FOXN3: variants seen among roughly 807,000 people sequenced by gnomAD.
FOXN3 encodes the protein forkhead box protein N3.
FOXN3 carries 7 observed loss-of-function variants against 38.4 expected under a neutral mutation model. That is an observed-to-expected ratio of 0.18 (90% CI 0.10 to 0.34). FOXN3 has a LOEUF of 0.34. FOXN3 is among the 10% of genes least tolerant of loss of function. The pLI is 1.00. For missense variants in FOXN3, 456 were observed against 613.4 expected, an observed-to-expected ratio of 0.74 and a Z score of 2.71; for synonymous variants, 230 against 242.2, an observed-to-expected ratio of 0.95 and a Z score of 0.47.
In FOXN3 at chr14:89,333,988, ATATATATATATATATATATATG is replaced by A. The variant is rs1354695661; in HGVS notation, c.680+16662_680+16683del. Among the ~76,000 whole-genome samples the A allele has an allele frequency of 1.5e-3, 126 of 83,730 alleles. 4 individuals carry two copies. Among genetic ancestry groups the A allele is most frequent in the South Asian group, 5.8e-3 (11 of 1,882 alleles). 54.9% of individuals were successfully genotyped at this position (83,730 alleles called of 152,430 possible). On this transcript the variant is annotated intron_variant, in intron 3 of 5. Coordinates refer to ENST00000557258, the MANE Select transcript of FOXN3 (RefSeq NM_005197.4). ...TGTGTATATATATATATATATATAT[ATATATATATATATATATATATG>A]TATATAAATGTGGTATACACACACA...
chr14:89,306,928 T>G lies in FOXN3; in HGVS notation c.681-25914A>C, dbSNP rs1887396340. On this transcript the variant is annotated intron_variant, in intron 3 of 5. Transcript: ENST00000557258. ...TTTTATTGGGACACAACACACTCAC[T>G]TGTTTATGTGTACGTCTATTTTGTG... Among the ~76,000 whole-genome samples the G allele has an allele frequency of 6.3e-5, 9 of 143,150 alleles. No homozygotes were observed. The South Asian group carries it at 1.9e-3, about 30-fold the overall frequency. 93.9% of individuals were successfully genotyped at this position (143,150 alleles called of 152,430 possible).
At chr14:89,194,819 G>A (rs190567607) in intron 4 of FOXN3, among the ~76,000 whole-genome samples, 114 of 151,290 alleles carry the variant, frequency 7.5e-4, no homozygotes, top group Non-Finnish European at 1.2e-3. Context: ...CAAAAATTAT[G>A]TATGTGAAAA....
chr14:89,602,255 C>G (rs1896166440), intron 1 of FOXN3, among the ~76,000 whole-genome samples: 1 of 151,364 alleles, frequency 6.6e-6, no homozygotes, highest in Middle Eastern at 3.4e-3. Context: ...CACCACTGCA[C>G]TCCAGCCTGG....
At chr14:89,324,797 G>C (rs1887999581) in intron 3 of FOXN3, among the ~76,000 whole-genome samples, 1 of 152,124 alleles carries the variant, frequency 6.6e-6, no homozygotes, top group African/African-American at 2.4e-5. Flanking sequence ...GGAAGTCTCT[G>C]GAAAGACACT....
At chr14:89,197,104 C>G (rs1392999020) in intron 4 of FOXN3, among the ~76,000 whole-genome samples, 4 of 152,170 alleles carry the variant, frequency 2.6e-5, no homozygotes, top group African/African-American at 9.7e-5. Flanking sequence ...CCTGAGGGGT[C>G]TTATAGGATG....
At chr14:89,250,874 C>T (rs1028218930) in intron 4 of FOXN3, among the ~76,000 whole-genome samples, 1 of 152,216 alleles carries the variant, frequency 6.6e-6, no homozygotes, top group African/African-American at 2.4e-5. Flanking sequence ...TGCTCTCTCT[C>T]TTGCCTGCCA....
At chr14:89,477,305 T>C (rs988346811) in intron 1 of FOXN3, among the ~76,000 whole-genome samples, 4 of 152,212 alleles carry the variant, frequency 2.6e-5, no homozygotes, top group Non-Finnish European at 5.9e-5. Context: ...GAGTATTCCA[T>C]ATTTCTCCTT....
chr14:89,189,079 C>T (rs899704455), intron 4 of FOXN3, among the ~76,000 whole-genome samples: 2 of 152,116 alleles, frequency 1.3e-5, no homozygotes, highest in South Asian at 4.1e-4. Context: ...CAGCTCCAGG[C>T]AGAGGAACAA....
chr14:89,577,945 G>A (rs1438121675), intron 1 of FOXN3, among the ~76,000 whole-genome samples: 1 of 152,150 alleles, frequency 6.6e-6, no homozygotes, highest in Non-Finnish European at 1.5e-5. Flanking sequence ...GGTTACTCAG[G>A]CAAATTAAAT....
upstream of FOXN3, among the ~76,000 whole-genome samples, chr14:89,421,695 T>A (rs1024320368): frequency 6.7e-6 from 1 of 150,056 alleles, no homozygotes; most frequent in Non-Finnish European, 1.5e-5. Flanking sequence ...CACGGCTAAT[T>A]TTTGTATTTT....
At position 89,458,482 on chromosome 14, in the gene FOXN3, C is replaced by T. The variant is rs140500435; in HGVS notation, c.-14-45992G>A. On this transcript the variant is annotated intron_variant, in intron 1 of 6. Transcript: ENST00000345097. ...CATGCGGGTAATCCATGGACGCCAACGGTCTTCATGATGCCCTCTTACCAA... is the reference window on the plus strand; with the variant it reads ...CATGCGGGTAATCCATGGACGCCAATGGTCTTCATGATGCCCTCTTACCAA... Among the ~76,000 whole-genome samples the T allele has an allele frequency of 5.1e-4, 77 of 152,294 alleles. 2 individuals carry two copies. The highest frequency in any genetic ancestry group is 1.6e-3 in the African/African-American group (67 of 41,560).
chr14:89,293,014 T>C lies in FOXN3; in HGVS notation c.681-12000A>G, dbSNP rs1886924523. Among the ~76,000 whole-genome samples the C allele has an allele frequency of 2.0e-5, 3 of 152,228 alleles. No homozygotes were observed. In the South Asian group the frequency reaches 6.2e-4, roughly 31 times the overall value. On this transcript the variant is annotated intron_variant, in intron 3 of 5. Coordinates refer to ENST00000557258, the MANE Select transcript of FOXN3 (RefSeq NM_005197.4). Reference sequence around the variant, plus strand: ...TTCTTGCCGGACAGTCGGCTAGCTCTCTGTCCATGCTCGGCCCCACCATCA... The same window carrying C: ...TTCTTGCCGGACAGTCGGCTAGCTCCCTGTCCATGCTCGGCCCCACCATCA...
intron 1 of FOXN3, among the ~76,000 whole-genome samples, chr14:89,460,428 A>G (rs1236634692): frequency 6.6e-6 from 1 of 152,186 alleles, no homozygotes; most frequent in East Asian, 1.9e-4. Flanking sequence ...ACAAATGCCA[A>G]TGATATGCAA....
chr14:89,203,196 G>A (rs1049079420), intron 4 of FOXN3, among the ~76,000 whole-genome samples: 8 of 152,120 alleles, frequency 5.3e-5, no homozygotes, highest in African/African-American at 1.9e-4. Context: ...AGGTACTCCA[G>A]GGGGCTGAAA....
chr14:89,560,187 A>G (rs1045287504), intron 1 of FOXN3, among the ~76,000 whole-genome samples: 2 of 152,076 alleles, frequency 1.3e-5, no homozygotes, highest in Non-Finnish European at 2.9e-5. Context: ...TCTTGTGGGA[A>G]CTCACTCACT....
At chr14:89,551,280 G>T (rs563022743) in intron 1 of FOXN3, among the ~76,000 whole-genome samples, 1 of 152,278 alleles carries the variant, frequency 6.6e-6, no homozygotes, top group Admixed American at 6.5e-5. Flanking sequence ...AAGAGCTGTG[G>T]GTCTAACTTT....
intron 1 of FOXN3, among the ~76,000 whole-genome samples, chr14:89,453,230 A>T (rs59362343): frequency 0.19 from 29,336 of 151,176 alleles, 3,102 homozygotes; most frequent in Middle Eastern, 0.31. Flanking sequence ...AGAACTTAAA[A>T]TGAACCCAAT....
intron 1 of FOXN3, among the ~76,000 whole-genome samples, chr14:89,574,178 C>T (rs1177391759): frequency 6.6e-6 from 1 of 152,194 alleles, no homozygotes; most frequent in African/African-American, 2.4e-5. Flanking sequence ...TCAGCCCCTA[C>T]TCAATAATTC....
At chr14:89,208,013 C>G (rs7150805) in intron 4 of FOXN3, among the ~76,000 whole-genome samples, 78,021 of 150,732 alleles carry the variant, frequency 0.52, 21,876 homozygotes, top group African/African-American at 0.75. Context: ...GGAGTCTATG[C>G]GGGAGGGGAC....
Sources: gnomAD v4.1 joint callset for allele counts (sites outside exome capture counted in the v4.1 genomes callset) on GRCh38, gnomAD v4.1.1 for gene constraint, MANE v1.5 for transcripts, NCBI Gene and HGNC (gene_info 2026-07-23, HGNC 2026-07-21) for gene names.